TH: variants seen among roughly 807,000 people sequenced by gnomAD.
TH encodes the protein tyrosine hydroxylase.
TH carries 49 observed loss-of-function variants against 57.4 expected under a neutral mutation model. That is an observed-to-expected ratio of 0.85 (90% CI 0.68 to 1.08). The LOEUF (loss-of-function observed/expected upper bound fraction) is 1.08, where lower values mean the gene tolerates loss of function less well. TH is among the 50% of genes least tolerant of loss of function. The pLI is 0.00. For synonymous variants in TH, 330 were observed against 304.5 expected (o/e 1.08, Z -0.87); for missense variants, 720 against 696.7 (o/e 1.03, Z -0.38).
chr11:2,165,620 C>CCCAGCCCT lies in TH; in HGVS notation c.1200+40_1200+47dup, dbSNP rs1428758964. The CCCAGCCCT allele has an allele frequency of 2.5e-6, 4 of 1,598,356 alleles. No homozygotes were observed. The African/African-American group carries it at 4.0e-5, about 16-fold the overall frequency. ...AGCCTGTCCCCTCCCTGCACCGTCC[C>CCCAGCCCT]CCAGCCCTGCCCCTCTGCTGGGGGC... On this transcript the variant is annotated intron_variant, in intron 11 of 12. Transcript: ENST00000352909.
rs575305786 is a variant in TH, at chr11:2,164,350, G to T, written c.1377C>A (p.Phe459Leu). ...CGTCGATGGCCAGCGTGTACGGGTC[G>T]AACTTCACGGAGAAGGGGCGCTGGA... is the stretch of plus-strand genomic sequence containing the variant. The part of the protein sequence containing the change: ...SRIQRPFSVK[F>L]DPYTLAIDVL... The change falls in exon 13 of 13, where the codon TTC becomes TTA. Residue 459 changes from phenylalanine to leucine, a missense_variant. Physicochemically the swap from Phe to Leu is conservative, Grantham distance 22 (BLOSUM62 0). Transcript: ENST00000352909. 6.5e-7 allele frequency: 1 copy of T among 1,548,388 alleles called. No homozygotes were observed. Among genetic ancestry groups the T allele is most frequent in the Non-Finnish European group, 8.7e-7 (1 of 1,144,274 alleles).
At chr11:2,167,702 A>C in intron 5 of TH, 164 bp downstream of exon 5, 1 of 1,131,868 alleles carries the variant, frequency 8.8e-7, no homozygotes, top group Non-Finnish European at 1.3e-6. Flanking sequence ...CAGTTTCCCC[A>C]CTGGGATTTG....
At position 2,169,742 on chromosome 11, in the gene TH, C is replaced by G. The variant is rs748493792; in HGVS notation, c.220G>C (p.Glu74Gln). Residue 74 changes from glutamate to glutamine, a missense_variant, in exon 2 of 13, where the codon GAG (glutamate) becomes CAG (glutamine). Physicochemically the swap from Glu to Gln is conservative, Grantham distance 29 (BLOSUM62 2). Coordinates refer to ENST00000352909, the MANE Select transcript of TH (RefSeq NM_000360.4). Reference protein sequence around the residue: ...PGDPLEAVAFEEKEGKAVLNL... With the variant: ...PGDPLEAVAFQEKEGKAVLNL... ...AGCACGGCCTTCCCCTCCTTCTCCT[C>G]AAAGGCCACAGCCTCCAGGGGGTCC... 4 of 1,612,658 alleles carry G rather than the reference C, an allele frequency of 2.5e-6. No homozygotes were observed. The African/African-American group carries it at 4.0e-5, about 16-fold the overall frequency.
intron 5 of TH, 156 bp downstream of exon 5, chr11:2,167,710 T>G (rs1333719083): frequency 2.6e-6 from 3 of 1,145,972 alleles, no homozygotes; most frequent in Non-Finnish European, 3.8e-6. Flanking sequence ...CCACTGGGAT[T>G]TGGGGACATG....
Position 2,166,458 on chromosome 11 carries a change from T to C in TH, c.1047+22A>G, listed in dbSNP as rs748768353. The C allele has an allele frequency of 7.1e-6, 11 of 1,557,920 alleles. No homozygotes were observed. The South Asian group carries it at 1.3e-4, about 18-fold the overall frequency. On this transcript the variant is annotated intron_variant, in intron 9 of 12. Transcript: ENST00000352909. ...AAGCCAGCCCCTGGGTGACCCCGGC[T>C]CCCTCCGAGGCCGCGGCGTACCTGC...
At position 2,165,711 on chromosome 11, in the gene TH, T is replaced by C. The variant is rs564522075; in HGVS notation, c.1157A>G (p.Lys386Arg). ...FGLCKQNGEV[K>R]AYGAGLLSSY... ...GGACAGCAGCCCGGCACCATAGGCC[T>C]TCACCTCCCCGTTCTGCTTACACAG... Residue 386 changes from lysine (K) to arginine (R), a missense_variant, in exon 11 of 13, where the codon AAG becomes AGG. Transcript: ENST00000352909. 2.5e-6 allele frequency: 4 copies of C among 1,612,702 alleles called. No homozygotes were observed. The Admixed American group carries it at 6.7e-5, about 27-fold the overall frequency.
Position 2,170,642 on chromosome 11 carries a change from C to T in TH, c.91-771G>A, listed in dbSNP as rs973582745. On this transcript the variant is annotated intron_variant, in intron 1 of 12. Coordinates refer to ENST00000352909, the MANE Select transcript of TH (RefSeq NM_000360.4). The surrounding 1 kb of genome is among the most constrained non-coding windows in gnomAD (Gnocchi z 6.0). ...ATCCTGAGCTTCCAGGGTTGTGGAA[C>T]ATGAAGGGGAGCAGCAGAAGCCCCT... 7.5e-6 allele frequency: 11 copies of T among 1,466,374 alleles called. No individual in the cohort carries two copies. The highest frequency in any genetic ancestry group is 1.0e-5 in the Non-Finnish European group (11 of 1,061,272). The allele number at this position is 1,466,374 out of a possible 1,614,324, so 90.8% of individuals were successfully genotyped here. A position where few individuals can be genotyped will look rare whatever the true frequency, so the allele number is the denominator to read the frequency against.
rs372077622 is a variant in TH, at chr11:2,169,658, C to A, written c.304G>T (p.Val102Leu). Residue 102 changes from valine to leucine, a missense_variant, in exon 2 of 13, where the codon GTG becomes TTG. Val to Leu is a conservative substitution (Grantham distance 32). Coordinates refer to ENST00000352909, the MANE Select transcript of TH (RefSeq NM_000360.4). ...GAAGGCCACCAGCTCACCTCAAACA[C>A]CTTCACAGCTCGGGACAGCGCCGAG... ...KPSALSRAVKVFETFEAKIHH... is the reference protein window; with the variant it reads ...KPSALSRAVKLFETFEAKIHH... The A allele has an allele frequency of 3.5e-5, 57 of 1,613,528 alleles. No homozygotes were observed. Among genetic ancestry groups the A allele is most frequent in the Non-Finnish European group, 4.7e-5 (55 of 1,179,998 alleles).
At chr11:2,167,296 G>A in intron 6 of TH, 139 bp downstream of exon 6, 1 of 1,124,666 alleles carries the variant, frequency 8.9e-7, no homozygotes, top group East Asian at 2.6e-5. Context: ...CCAACATTCT[G>A]AGCCCTGCAA....
chr11:2,165,198 AC>A (rs1157118442), intron 12 of TH, 33 bp downstream of exon 12: 1 of 1,612,508 alleles, frequency 6.2e-7, no homozygotes, highest in Admixed American at 1.7e-5. Flanking sequence ...GTTTGGGGGC[AC>A]CATGGGGGGC....
In TH at chr11:2,169,791, G is replaced by GGCCGCTGCTGCC. The variant is rs1185152079; in HGVS notation, c.159_170dup (p.Ala56_Ala59dup). ...CCCCGGGCTCCGAGGGGACTGCAGCGGCCGCTGCTGCCACCGCCGCCTCCC... is the reference window on the plus strand; with the variant it reads ...CCCCGGGCTCCGAGGGGACTGCAGCGGCCGCTGCTGCCGCCGCTGCTGCCACCGCCGCCTCCC... On this transcript the variant is annotated inframe_insertion, in exon 2 of 13. Transcript: ENST00000352909. 24 of 1,611,040 alleles carry GGCCGCTGCTGCC rather than the reference G, an allele frequency of 1.5e-5. No homozygotes were observed. Among genetic ancestry groups the GGCCGCTGCTGCC allele is most frequent in the Non-Finnish European group, 2.0e-5 (23 of 1,179,386 alleles).
At chr11:2,167,514 C>T (rs1380801039) in intron 5 of TH, 29 bp from the exon 6 acceptor site, 7 of 1,551,934 alleles carry the variant, frequency 4.5e-6, no homozygotes, top group South Asian at 1.2e-5. Context: ...GTCAGCAGGT[C>T]CCCTCGGGGA....
chr11:2,165,375 G>A lies in TH; in HGVS notation c.1201-10C>T, dbSNP rs779826328. On this transcript the variant is annotated splice_polypyrimidine_tract_variant and intron_variant, in intron 11 of 12. Transcript: ENST00000352909. ...CCTCAGACAGGCAGTGCTGGCAGGA[G>A]GCCAATGGCATCACTGACTCCACTG... is the stretch of plus-strand genomic sequence containing the variant. 16 of 1,608,162 alleles carry A rather than the reference G, an allele frequency of 9.9e-6. No homozygotes were observed. The highest frequency in any genetic ancestry group is 2.7e-5 in the African/African-American group (2 of 74,908).
chr11:2,164,648 G>A (rs1267801268), intron 12 of TH, among the ~76,000 whole-genome samples: 1 of 152,140 alleles, frequency 6.6e-6, no homozygotes, highest in Non-Finnish European at 1.5e-5. Context: ...CCTCCACTGG[G>A]CCTCCTCCAG....
chr11:2,170,821 GC>G lies in TH; in HGVS notation c.90+875del. The G allele has an allele frequency of 1.6e-6, 1 of 613,308 alleles. No homozygotes were observed. The highest frequency in any genetic ancestry group is 2.9e-6 in the Non-Finnish European group (1 of 350,758). 38.0% of individuals were successfully genotyped at this position (613,308 alleles called of 1,614,324 possible). A position where few individuals can be genotyped will look rare whatever the true frequency, so the allele number is the denominator to read the frequency against. On this transcript the variant is annotated intron_variant, in intron 1 of 12. Coordinates refer to ENST00000352909, the MANE Select transcript of TH (RefSeq NM_000360.4). This position sits in a 1 kb window ranked among gnomAD's most constrained non-coding sequence, Gnocchi z 6.0. ...GCCTGGTGGGGGAGGGTAGGGGAGG[GC>G]GGGGGAGGACGGGGGAGGGCGCCCT... is the stretch of plus-strand genomic sequence containing the variant.
At chr11:2,166,214 G>T in intron 9 of TH, 156 bp from the exon 10 acceptor site, 1 of 920,946 alleles carries the variant, frequency 1.1e-6, no homozygotes. Flanking sequence ...CACCTCCACC[G>T]GGCCTCCTCC....
rs1243339162 is a variant in TH at position 2,171,405 on chromosome 11, T to G, written c.90+292A>C. ...GGATTTGTTTCCACATTCCGATCGTTAAGATTCAAGATGAAACAAGACACA... is the reference window on the plus strand; with the variant it reads ...GGATTTGTTTCCACATTCCGATCGTGAAGATTCAAGATGAAACAAGACACA... On this transcript the variant is annotated intron_variant, in intron 1 of 12. Transcript: ENST00000352909. This position sits in a 1 kb window ranked among gnomAD's most constrained non-coding sequence, Gnocchi z 8.6. Among the ~76,000 whole-genome samples the G allele has an allele frequency of 6.6e-6, 1 of 151,036 alleles. No individual in the cohort carries two copies. The highest frequency in any genetic ancestry group is 2.4e-5 in the African/African-American group (1 of 40,986).
chr11:2,169,924 CT>C, intron 1 of TH, 53 bp from the exon 2 acceptor site: 2 of 1,555,032 alleles, frequency 1.3e-6, no homozygotes, highest in Non-Finnish European at 1.7e-6. Flanking sequence ...ACCCGGGGAC[CT>C]CCACCCACAG....
intron 8 of TH, 29 bp from the exon 9 acceptor site, chr11:2,166,578 G>A: frequency 1.3e-6 from 2 of 1,590,718 alleles, no homozygotes; most frequent in Non-Finnish European, 1.7e-6. Flanking sequence ...AGGGGGCTGA[G>A]GGGCCGCCCG....
Sources: gnomAD v4.1 joint callset for allele counts (sites outside exome capture counted in the v4.1 genomes callset) on GRCh38, gnomAD v4.1.1 for gene constraint, Gnocchi (gnomAD v3.1) non-coding constraint, MANE v1.5 for transcripts, NCBI Gene and HGNC (gene_info 2026-07-23, HGNC 2026-07-21) for gene names.